ERBIN: variants seen among roughly 807,000 people sequenced by gnomAD.
ERBIN encodes the protein erbb2 interacting protein.
A neutral mutation model predicts 158.4 loss-of-function variants in ERBIN; 60 were observed. The ratio of observed to expected loss-of-function variants is 0.38; its 90% CI spans 0.31 to 0.47. The LOEUF (loss-of-function observed/expected upper bound fraction) is 0.47. Ranked by LOEUF, ERBIN falls within the 20% of genes least tolerant of loss-of-function variation. The probability of loss-of-function intolerance (pLI) is 0.99; values close to 1 mark genes in which losing one functional copy is unlikely to be tolerated. For synonymous variants in ERBIN, 594 were observed against 557.2 expected, an observed-to-expected ratio of 1.07 and a Z score of -0.93; for missense variants, 1,610 against 1,648.0, an observed-to-expected ratio of 0.98 and a Z score of 0.40.
intron 13 of ERBIN, 84 bp from the exon 14 acceptor site, chr5:66,028,190 C>T (rs1290933303): frequency 1.0e-6 from 1 of 973,256 alleles, no homozygotes. Flanking sequence ...TAGCATTTTT[C>T]AGAAAACCTT....
chr5:65,961,005 C>T (rs1384646224), intron 1 of ERBIN, among the ~76,000 whole-genome samples: 1 of 152,168 alleles, frequency 6.6e-6, no homozygotes, highest in Non-Finnish European at 1.5e-5. Flanking sequence ...CACTGACTGT[C>T]TTAATTCCCT....
At chr5:66,030,751 A>G (rs1052837463) in intron 14 of ERBIN, among the ~76,000 whole-genome samples, 5 of 151,260 alleles carry the variant, frequency 3.3e-5, no homozygotes, top group African/African-American at 1.2e-4. Context: ...TAACGTTTTT[A>G]GTAGCGACAA....
At chr5:66,065,590 CCTGTGTGTGTGTGTGTGTGTGTGTGTG>C (rs1292369541) in intron 21 of ERBIN, among the ~76,000 whole-genome samples, 1 of 109,394 alleles carries the variant, frequency 9.1e-6, no homozygotes, top group African/African-American at 3.3e-5. Flanking sequence ...TTAATTTTGA[CCTGTGTGTGTGTGTGTGTGTGTGTGTG>C]TGTGTGTGTG....
In ERBIN at chr5:66,021,313, T is replaced by C; in HGVS notation, c.534-9T>C. 2 of 1,560,476 alleles carry C rather than the reference T, an allele frequency of 1.3e-6. No homozygotes were observed. Among genetic ancestry groups the C allele is most frequent in the South Asian group, 1.2e-5 (1 of 85,322 alleles). ...TCTAGTTAATTTTTCATTACTCCAT[T>C]ATGAACAGAACTATGAATAGACTGA... On this transcript the variant is annotated splice_polypyrimidine_tract_variant and intron_variant, in intron 7 of 25. Coordinates refer to ENST00000284037, the MANE Select transcript of ERBIN (RefSeq NM_001253697.2).
intron 21 of ERBIN, among the ~76,000 whole-genome samples, chr5:66,057,030 A>G (rs549132679): frequency 1.3e-5 from 2 of 152,300 alleles, no homozygotes; most frequent in East Asian, 3.9e-4. Flanking sequence ...CTTTTACCTA[A>G]CATACGTGAA....
At position 65,990,765 on chromosome 5, in the gene ERBIN, A is replaced by AT. The variant is rs1222133321; in HGVS notation, c.-9-1932dup. On this transcript the variant is annotated intron_variant, in intron 2 of 25. Coordinates refer to ENST00000284037, the MANE Select transcript of ERBIN (RefSeq NM_001253697.2). ...ATTGAGTAAGTATAGTAAAAAAAAA[A>AT]TTTTTTTTTTTTTGAGACGGAGTCT... 7.5e-3 allele frequency among the ~76,000 whole-genome samples: 1,092 copies of AT among 146,364 alleles called. 14 individuals are homozygous for AT. Among genetic ancestry groups the AT allele is most frequent in the African/African-American group, 0.023 (928 of 40,108 alleles).
At chr5:65,980,219 C>G (rs1212812624) in intron 1 of ERBIN, among the ~76,000 whole-genome samples, 1 of 152,114 alleles carries the variant, frequency 6.6e-6, no homozygotes, top group Non-Finnish European at 1.5e-5. Context: ...AGTTCGAGAC[C>G]AGCCTGGCCA....
At chr5:65,977,984 G>GGAGAGGGAGAGGGAGAGGGAGAGGGA (rs1580229624) in intron 1 of ERBIN, among the ~76,000 whole-genome samples, 1 of 152,044 alleles carries the variant, frequency 6.6e-6, no homozygotes, top group African/African-American at 2.4e-5. Flanking sequence ...AGAGGGAGAG[G>GGAGAGGGAGAGGGAGAGGGAGAGGGA]GAGCGAGAAA....
chr5:66,035,014 G>A lies in ERBIN; in HGVS notation c.1207-3369G>A, dbSNP rs146761472. ...ATCAGCAAGTACTGTGAGTGCAGTG[G>A]AGTGGGAGGGCTGCATGATGTCTGT... On this transcript the variant is annotated intron_variant, in intron 14 of 25. Coordinates refer to ENST00000284037, the MANE Select transcript of ERBIN (RefSeq NM_001253697.2). Among the ~76,000 whole-genome samples, 245 of 152,266 alleles carry A rather than the reference G, an allele frequency of 1.6e-3. 1 individual carries two copies. The highest frequency in any genetic ancestry group is 5.7e-3 in the African/African-American group (236 of 41,560).
At chr5:65,999,257 T>A (rs1329897853) in intron 4 of ERBIN, among the ~76,000 whole-genome samples, 1 of 151,820 alleles carries the variant, frequency 6.6e-6, no homozygotes, top group African/African-American at 2.4e-5. Context: ...TCCCAGCTAC[T>A]CGGGAGTCTG....
intron 4 of ERBIN, among the ~76,000 whole-genome samples, chr5:66,007,638 A>G (rs901846565): frequency 2.0e-5 from 3 of 152,132 alleles, no homozygotes; most frequent in African/African-American, 4.8e-5. Context: ...AAGGAACACT[A>G]CTAATGGGGG....
chr5:66,047,262 C>G (rs1758535730), intron 18 of ERBIN, among the ~76,000 whole-genome samples: 1 of 152,172 alleles, frequency 6.6e-6, no homozygotes, highest in Admixed American at 6.5e-5. Flanking sequence ...TTTCACCTAG[C>G]ATAATGTGTT....
chr5:66,001,218 G>A (rs1451947598), intron 4 of ERBIN, among the ~76,000 whole-genome samples: 3 of 151,678 alleles, frequency 2.0e-5, no homozygotes, highest in East Asian at 1.9e-4. Flanking sequence ...TTACTGTTTC[G>A]CTTATATTTA....
chr5:66,046,591 T>C, intron 18 of ERBIN, 53 bp downstream of exon 18: 1 of 1,369,552 alleles, frequency 7.3e-7, no homozygotes, highest in Non-Finnish European at 9.8e-7. Context: ...AATTTAATAT[T>C]TTATTGTTGC....
chr5:66,049,586 GGTTAA>G (rs1022130049), intron 19 of ERBIN, among the ~76,000 whole-genome samples: 8 of 152,046 alleles, frequency 5.3e-5, no homozygotes, highest in African/African-American at 1.7e-4. Flanking sequence ...CTATTTTAAT[GGTTAA>G]GTTAAGAGCT....
At chr5:65,949,524 C>T (rs1746245667) in intron 1 of ERBIN, among the ~76,000 whole-genome samples, 1 of 152,212 alleles carries the variant, frequency 6.6e-6, no homozygotes, top group South Asian at 2.1e-4. Flanking sequence ...GACGTAATTC[C>T]TCCAGCTAAT....
At position 66,079,258 on chromosome 5, in the gene ERBIN, A is replaced by G. The variant is rs983286594; in HGVS notation, c.*728A>G. 13 of 152,528 alleles carry G rather than the reference A, an allele frequency of 8.5e-5. No homozygotes were observed. Among genetic ancestry groups the G allele is most frequent in the African/African-American group, 2.7e-4 (11 of 41,438 alleles). The allele number at this position is 152,528 out of a possible 1,614,324, so 9.4% of individuals were successfully genotyped here. On this transcript the variant is annotated 3_prime_UTR_variant, in exon 26 of 26. Transcript: ENST00000284037. ...GGCAGGATCTGTTCTTGTCATAGCC[A>G]TTGACTATACATTTGCTACTGGTGA...
intron 21 of ERBIN, among the ~76,000 whole-genome samples, chr5:66,058,019 G>A (rs1419716359): frequency 6.6e-6 from 1 of 152,122 alleles, no homozygotes; most frequent in Non-Finnish European, 1.5e-5. Context: ...CTTAATAGCA[G>A]CATGATTTAT....
rs776696249 is a variant in ERBIN, at chr5:66,075,007, C to T, written c.3757-17C>T. On this transcript the variant is annotated splice_polypyrimidine_tract_variant and intron_variant, in intron 22 of 25. Transcript: ENST00000284037. ...CATTATTATTGGTCATTTTAAGATA[C>T]TTCATGTTTTTCTTAGATGCCTTTG... 5.6e-6 allele frequency: 9 copies of T among 1,610,312 alleles called. No individual in the cohort carries two copies. Among genetic ancestry groups the T allele is most frequent in the South Asian group, 1.1e-5 (1 of 90,992 alleles).
Sources: allele counts gnomAD v4.1 joint callset (sites outside exome capture counted in the v4.1 genomes callset), GRCh38; gene constraint gnomAD v4.1.1; transcripts MANE v1.5; gene names NCBI Gene and HGNC (gene_info 2026-07-23, HGNC 2026-07-21).